The following IFIH1 variants were observed in gnomAD, a reference collection of about 807,000 sequenced individuals.
The protein encoded by IFIH1 is interferon-induced helicase C domain-containing protein 1.
In IFIH1, 125 loss-of-function variants were observed where a neutral mutation model predicts 107.4. The observed-to-expected ratio is 1.16, with a 90% CI of 1.01 to 1.35. IFIH1 has a LOEUF of 1.35. Ranked by LOEUF, IFIH1 falls within the 40% of genes most tolerant of loss-of-function variation. IFIH1 has a pLI of 0.00. For missense variants in IFIH1, 1,333 were observed against 1,213.7 expected, an observed-to-expected ratio of 1.10 and a Z score of -1.46; for synonymous variants, 458 against 413.2, an observed-to-expected ratio of 1.11 and a Z score of -1.31.
intron 3 of IFIH1, 115 bp from the exon 4 acceptor site, chr2:162,293,783 C>T: frequency 1.7e-6 from 1 of 586,978 alleles, no homozygotes; most frequent in South Asian, 2.5e-5. Context: ...GGGGAAGGCA[C>T]ACCCAGACAA....
At chr2:162,300,782 T>C (rs564183851) in intron 3 of IFIH1, among the ~76,000 whole-genome samples, 1 of 152,192 alleles carries the variant, frequency 6.6e-6, no homozygotes, top group Non-Finnish European at 1.5e-5. Flanking sequence ...ACTGTATCAA[T>C]TATTTTTTTC....
intron 2 of IFIH1, among the ~76,000 whole-genome samples, chr2:162,307,903 G>A (rs1454111844): frequency 6.6e-6 from 1 of 152,064 alleles, no homozygotes; most frequent in African/African-American, 2.4e-5. Context: ...AAACCTAGAT[G>A]GTAAGTAATA....
intron 3 of IFIH1, among the ~76,000 whole-genome samples, chr2:162,298,605 C>T (rs185814416): frequency 2.6e-4 from 40 of 152,246 alleles, no homozygotes; most frequent in Admixed American, 6.5e-4. Flanking sequence ...AAGCTTGAAA[C>T]ATGTGTGCAC....
intron 3 of IFIH1, among the ~76,000 whole-genome samples, chr2:162,305,836 G>A (rs995954188): frequency 4.6e-5 from 7 of 152,116 alleles, no homozygotes; most frequent in East Asian, 3.9e-4. Context: ...GGCTATCTCC[G>A]TCTTTTGCAT....
intron 4 of IFIH1, among the ~76,000 whole-genome samples, chr2:162,290,197 T>A (rs1020333700): frequency 1.3e-5 from 2 of 151,878 alleles, no homozygotes; most frequent in Non-Finnish European, 2.9e-5. Flanking sequence ...TTTGCGTAGA[T>A]TTTAAGAATA....
intron 2 of IFIH1, among the ~76,000 whole-genome samples, chr2:162,308,402 C>G (rs1490763130): frequency 2.8e-5 from 4 of 143,894 alleles, no homozygotes; most frequent in African/African-American, 1.0e-4. Context: ...TTTTTTGAGA[C>G]GGAGTCTTGC....
At chr2:162,298,856 T>C (rs1032599386) in intron 3 of IFIH1, among the ~76,000 whole-genome samples, 16 of 151,848 alleles carry the variant, frequency 1.1e-4, no homozygotes, top group Admixed American at 4.6e-4. Context: ...CCAGGGAACA[T>C]GTGTTCCCAC....
intron 13 of IFIH1, among the ~76,000 whole-genome samples, chr2:162,269,209 A>C (rs1576220635): frequency 6.6e-6 from 1 of 152,324 alleles, no homozygotes; most frequent in East Asian, 1.9e-4. Context: ...GACATGTAAA[A>C]AGCTGTTGAG....
rs373490708 is a variant in IFIH1, at chr2:162,272,269, A to G, written c.2573T>C (p.Ile858Thr). The G allele has an allele frequency of 1.8e-5, 29 of 1,612,600 alleles. No individual in the cohort carries two copies. The highest frequency in any genetic ancestry group is 2.2e-5 in the East Asian group (1 of 44,866). The change falls in exon 13 of 16, where the codon ATA (isoleucine) becomes ACA (threonine). Residue 858 changes from isoleucine (I) to threonine (T), a missense_variant. Transcript: ENST00000649979. Reference sequence around the variant, plus strand: ...TGGTTTCATATTTTGAACACAATGTATAGCTTTATACATCATCTTCTCTCG... The same window carrying G: ...TGGTTTCATATTTTGAACACAATGTGTAGCTTTATACATCATCTTCTCTCG... The part of the protein sequence containing the change: ...DFREKMMYKA[I>T]HCVQNMKPEE...
intron 3 of IFIH1, among the ~76,000 whole-genome samples, chr2:162,299,978 G>T (rs1407048344): frequency 1.3e-5 from 2 of 152,146 alleles, no homozygotes; most frequent in African/African-American, 4.8e-5. Context: ...TCAAGGCTCA[G>T]ATGAAATATC....
At chr2:162,301,334 G>C (rs1003652595) in intron 3 of IFIH1, among the ~76,000 whole-genome samples, 1 of 152,126 alleles carries the variant, frequency 6.6e-6, no homozygotes, top group Non-Finnish European at 1.5e-5. Flanking sequence ...CTTTCACGCT[G>C]AAACAGTGAA....
In IFIH1 at chr2:162,314,403, CTTTCTTTCTTTCT is replaced by C. The variant is rs1222357853; in HGVS notation, c.453+3439_453+3451del. Among the ~76,000 whole-genome samples, 33 of 64,818 alleles carry C rather than the reference CTTTCTTTCTTTCT, an allele frequency of 5.1e-4. 3 individuals carry two copies. Among genetic ancestry groups the C allele is most frequent in the African/African-American group, 2.5e-3 (29 of 11,622 alleles). 42.5% of individuals were successfully genotyped at this position (64,818 alleles called of 152,430 possible). A position where few individuals can be genotyped will look rare whatever the true frequency, so the allele number is the denominator to read the frequency against. ...CCCTCCCTCCCTCCCTCCCTCCTTT[CTTTCTTTCTTTCT>C]TTTCTTTCTTTCTTTCTTTCTTTCT... is the stretch of plus-strand genomic sequence containing the variant. On this transcript the variant is annotated intron_variant, in intron 1 of 15. Transcript: ENST00000649979.
chr2:162,286,470 C>T (rs902535331), intron 5 of IFIH1, among the ~76,000 whole-genome samples: 2 of 151,898 alleles, frequency 1.3e-5, no homozygotes, highest in African/African-American at 2.4e-5. Flanking sequence ...AGCTGAATCT[C>T]GAAGCCCCTT....
At position 162,278,978 on chromosome 2, in the gene IFIH1, A is replaced by G. The variant is rs144923373; in HGVS notation, c.1642-650T>C. ...TTCAGTTTAGGAAAATTCAGCAATC[A>G]GTACACATATGAATTTGTACTTTTC... On this transcript the variant is annotated intron_variant, in intron 8 of 15. Coordinates refer to ENST00000649979, the MANE Select transcript of IFIH1 (RefSeq NM_022168.4). 2.4e-4 allele frequency among the ~76,000 whole-genome samples: 36 copies of G among 152,230 alleles called. No homozygotes were observed. In the East Asian group the frequency reaches 4.4e-3, roughly 19 times the overall value.
chr2:162,281,322 A>G lies in IFIH1; in HGVS notation c.1524+6T>C, dbSNP rs1160071707. On this transcript the variant is annotated splice_donor_region_variant and intron_variant, in intron 7 of 15. Transcript: ENST00000649979. ...TTCATTGGTTATACATAAAATTATG[A>G]CTTACTTTTAAAATGTGTTCTTCAG... 1 of 1,605,168 alleles carries G rather than the reference A, an allele frequency of 6.2e-7. No individual in the cohort carries two copies. The highest frequency in any genetic ancestry group is 8.5e-7 in the Non-Finnish European group (1 of 1,173,150).
chr2:162,285,167 C>T (rs1351800892), intron 5 of IFIH1, among the ~76,000 whole-genome samples: 1 of 151,990 alleles, frequency 6.6e-6, no homozygotes, highest in Non-Finnish European at 1.5e-5. Flanking sequence ...CTGCTACCCA[C>T]TTCTGCTGAA....
At position 162,310,899 on chromosome 2, in the gene IFIH1, C is replaced by G. The variant is rs1178412309; in HGVS notation, c.488G>C (p.Gly163Ala). 6.2e-7 allele frequency: 1 copy of G among 1,613,428 alleles called. No individual in the cohort carries two copies. Among genetic ancestry groups the G allele is most frequent in the Non-Finnish European group, 8.5e-7 (1 of 1,179,616 alleles). The change falls in exon 2 of 16, where the codon GGT becomes GCT. Residue 163 changes from glycine to alanine, a missense_variant. Physicochemically the swap from Gly to Ala is moderately conservative, Grantham distance 60 (BLOSUM62 0). Coordinates refer to ENST00000649979, the MANE Select transcript of IFIH1 (RefSeq NM_022168.4). ...AATCCTTTTTAGTAGCTCTCTTACA[C>G]CTGATTCATTTCCATTGTTTTCTGC... ...AAAENNGNES[G>A]VRELLKRIVQ...
chr2:162,277,719 G>A (rs1345623358), intron 9 of IFIH1, 26 bp from the exon 10 acceptor site: 3 of 1,582,664 alleles, frequency 1.9e-6, no homozygotes, highest in Non-Finnish European at 1.7e-6. Flanking sequence ...TTATGTAAGT[G>A]AAATAATAAG....
intron 3 of IFIH1, among the ~76,000 whole-genome samples, chr2:162,296,861 AAATT>A (rs780913124): frequency 2.0e-4 from 31 of 152,082 alleles, no homozygotes; most frequent in Non-Finnish European, 4.0e-4. Flanking sequence ...TCGTTACATA[AAATT>A]AATTGCAGTA....
Sources: gnomAD v4.1 joint callset for allele counts (sites outside exome capture counted in the v4.1 genomes callset) on GRCh38, gnomAD v4.1.1 for gene constraint, MANE v1.5 for transcripts, NCBI Gene and HGNC (gene_info 2026-07-23, HGNC 2026-07-21) for gene names.